The following SMARCA2 variants were observed in gnomAD, a reference collection of about 807,000 sequenced individuals.
The protein encoded by SMARCA2 is SWI/SNF related BAF chromatin remodeling complex subunit ATPase 2.
Under a neutral mutation model 199.8 loss-of-function variants are expected in SMARCA2, and 61 were observed. The ratio of observed to expected loss-of-function variants is 0.31; its 90% CI spans 0.25 to 0.38. The LOEUF (loss-of-function observed/expected upper bound fraction) is 0.38. Ranked by LOEUF, SMARCA2 falls within the 10% of genes least tolerant of loss-of-function variation. The probability of loss-of-function intolerance (pLI) is 1.00; values close to 1 mark genes in which losing one functional copy is unlikely to be tolerated. For missense variants in SMARCA2, 1,344 were observed against 2,012.2 expected (o/e 0.67, Z 6.35); for synonymous variants, 935 against 732.0 (o/e 1.28, Z -4.48).
chr9:2,114,954 C>G (rs1421691761), intron 24 of SMARCA2, among the ~76,000 whole-genome samples: 1 of 151,902 alleles, frequency 6.6e-6, no homozygotes, highest in Non-Finnish European at 1.5e-5. Context: ...AAATCTCCTA[C>G]AATATAATTT....
intron 28 of SMARCA2, among the ~76,000 whole-genome samples, chr9:2,165,442 G>A (rs1367026780): frequency 6.6e-6 from 1 of 152,136 alleles, no homozygotes; most frequent in Non-Finnish European, 1.5e-5. Context: ...TGACCCTTAA[G>A]AGCCAGATAT....
chr9:2,083,559 C>G lies in SMARCA2; in HGVS notation c.2415+146C>G, dbSNP rs868074972. On this transcript the variant is annotated intron_variant, in intron 16 of 33. Transcript: ENST00000349721. ...TACTAAACCGTGAGAGTTAATCATC[C>G]CAAGAAGATTACTGTAATAAACCAT... is the stretch of plus-strand genomic sequence containing the variant. 95 of 528,650 alleles carry G rather than the reference C, an allele frequency of 1.8e-4. No homozygotes were observed. The Middle Eastern group carries it at 2.2e-3, about 13-fold the overall frequency. 32.7% of individuals were successfully genotyped at this position (528,650 alleles called of 1,614,324 possible).
rs903564673 is a variant in SMARCA2, at chr9:2,170,558, G to A, written c.4253+86G>A. 3.0e-5 allele frequency: 48 copies of A among 1,604,806 alleles called. No individual in the cohort carries two copies. Among genetic ancestry groups the A allele is most frequent in the Non-Finnish European group, 3.9e-5 (46 of 1,174,448 alleles). ...AGATTGAATCATATAATCGGCCTTTGGAAGCAAATTTCTTCGGTCACCTCC... is the reference window on the plus strand; with the variant it reads ...AGATTGAATCATATAATCGGCCTTTAGAAGCAAATTTCTTCGGTCACCTCC... On this transcript the variant is annotated intron_variant, in intron 29 of 33. Transcript: ENST00000349721. The surrounding 1 kb of genome is among the most constrained non-coding windows in gnomAD (Gnocchi z 4.7).
At chr9:2,075,359 T>C (rs1821276301) in intron 12 of SMARCA2, 1 of 152,264 alleles carries the variant, frequency 6.6e-6, no homozygotes, top group Non-Finnish European at 1.5e-5. Context: ...AAGGAAATTC[T>C]ACTGGATTGT....
intron 27 of SMARCA2, among the ~76,000 whole-genome samples, chr9:2,141,024 TC>T (rs1439251015): frequency 6.6e-6 from 1 of 152,124 alleles, no homozygotes; most frequent in Non-Finnish European, 1.5e-5. Context: ...TGAACCCTTC[TC>T]TTTTTAAGTG....
At chr9:2,177,229 C>G (rs1826671478) in intron 29 of SMARCA2, among the ~76,000 whole-genome samples, 1 of 152,190 alleles carries the variant, frequency 6.6e-6, no homozygotes, top group African/African-American at 2.4e-5. Flanking sequence ...GTTTTCTTCC[C>G]AAACGACTTT....
chr9:2,086,761 C>G lies in SMARCA2; in HGVS notation c.2527-68C>G, dbSNP rs948392651. The G allele has an allele frequency of 1.3e-6, 2 of 1,580,512 alleles. No homozygotes were observed. Among genetic ancestry groups the G allele is most frequent in the African/African-American group, 1.3e-5 (1 of 74,464 alleles). ...GGTTCTTTGGTTTTCCGCACCACCA[C>G]TTGCTTGTTGGAAATAGTTGTATTT... On this transcript the variant is annotated intron_variant, in intron 17 of 33. Transcript: ENST00000349721. The surrounding 1 kb of genome is among the most constrained non-coding windows in gnomAD (Gnocchi z 4.3).
chr9:2,135,809 C>T (rs532334375), intron 27 of SMARCA2, among the ~76,000 whole-genome samples: 17 of 152,226 alleles, frequency 1.1e-4, no homozygotes, highest in Admixed American at 2.0e-4. Context: ...TCCCAAAGTG[C>T]TGGGATTACA....
At chr9:2,127,910 T>A (rs1823766998) in intron 27 of SMARCA2, among the ~76,000 whole-genome samples, 1 of 152,246 alleles carries the variant, frequency 6.6e-6, no homozygotes, top group South Asian at 2.1e-4. Context: ...AATTTTTTTC[T>A]GCATTCATAA....
intron 1 of SMARCA2, among the ~76,000 whole-genome samples, chr9:2,024,440 A>G (rs1818738245): frequency 6.6e-6 from 1 of 152,058 alleles, no homozygotes; most frequent in Admixed American, 6.6e-5. Flanking sequence ...TAAGCCTTCT[A>G]TTCATTTTTG....
intron 5 of SMARCA2, among the ~76,000 whole-genome samples, chr9:2,052,807 A>G (rs1488058369): frequency 6.6e-6 from 1 of 152,132 alleles, no homozygotes; most frequent in Non-Finnish European, 1.5e-5. Flanking sequence ...TTTTCACGTT[A>G]ATGAAAATGA....
At chr9:2,151,561 G>A (rs561428596) in intron 27 of SMARCA2, among the ~76,000 whole-genome samples, 18 of 151,772 alleles carry the variant, frequency 1.2e-4, no homozygotes, top group South Asian at 2.1e-4. Context: ...GTGAAACCCC[G>A]TCTTTACTAA....
intron 31 of SMARCA2, 58 bp from the exon 32 acceptor site, chr9:2,186,038 G>C: frequency 1.9e-6 from 3 of 1,555,898 alleles, no homozygotes; most frequent in East Asian, 2.3e-5. Flanking sequence ...ATAAGGAAGA[G>C]TTCACTGCCA....
intron 29 of SMARCA2, among the ~76,000 whole-genome samples, chr9:2,174,165 C>G (rs1826407592): frequency 1.3e-5 from 2 of 152,082 alleles, no homozygotes; most frequent in South Asian, 2.1e-4. Context: ...GCCCCTCTTT[C>G]GAGGGTCTCT....
At chr9:2,030,155 A>T (rs1819000182) in intron 2 of SMARCA2, among the ~76,000 whole-genome samples, 2 of 152,220 alleles carry the variant, frequency 1.3e-5, no homozygotes, top group Admixed American at 1.3e-4. Flanking sequence ...AGGTGTATTC[A>T]TTAGGATTCT....
chr9:2,150,635 T>C (rs1012318016), intron 27 of SMARCA2, among the ~76,000 whole-genome samples: 4 of 151,640 alleles, frequency 2.6e-5, no homozygotes, highest in Non-Finnish European at 4.4e-5. Context: ...TTCCCATCAC[T>C]GGATATAGTT....
chr9:2,037,344 C>T (rs1211697843), intron 3 of SMARCA2, among the ~76,000 whole-genome samples: 1 of 152,156 alleles, frequency 6.6e-6, no homozygotes, highest in African/African-American at 2.4e-5. Flanking sequence ...AAACTGTAAT[C>T]ACTGCATGGT....
chr9:2,112,617 G>T (rs944690503), intron 24 of SMARCA2, among the ~76,000 whole-genome samples: 5 of 152,102 alleles, frequency 3.3e-5, no homozygotes, highest in African/African-American at 1.2e-4. Context: ...CAGGATCCCA[G>T]ATTTTCTCTG....
chr9:2,112,331 T>A (rs1823041863), intron 24 of SMARCA2, among the ~76,000 whole-genome samples: 1 of 152,178 alleles, frequency 6.6e-6, no homozygotes, highest in Non-Finnish European at 1.5e-5. Flanking sequence ...TCTTCGGAGG[T>A]AAGCATTTCC....
Sources: gnomAD v4.1 joint callset for allele counts (sites outside exome capture counted in the v4.1 genomes callset) on GRCh38, gnomAD v4.1.1 for gene constraint, Gnocchi (gnomAD v3.1) non-coding constraint, MANE v1.5 for transcripts, NCBI Gene and HGNC (gene_info 2026-07-23, HGNC 2026-07-21) for gene names.